Variants in NOX4 observed in about 807,000 individuals in gnomAD.
The protein encoded by NOX4 is kidney oxidase-1.
Under a neutral mutation model 87.6 loss-of-function variants are expected in NOX4, and 69 were observed. The observed-to-expected ratio is 0.79, with a 90% confidence interval of 0.65 to 0.96. The LOEUF is 0.96. Ranked by LOEUF, NOX4 falls within the 40% of genes least tolerant of loss-of-function variation. The pLI is 0.00. For synonymous variants in NOX4, 275 were observed against 238.2 expected (o/e 1.15, Z -1.42); for missense variants, 680 against 681.5 (o/e 1.00, Z 0.02).
intron 7 of NOX4, among the ~76,000 whole-genome samples, chr11:89,425,494 C>G (rs749645964): frequency 6.6e-6 from 1 of 150,494 alleles, no homozygotes; most frequent in East Asian, 1.9e-4. Flanking sequence ...ACCTATATTG[C>G]GATGTGCTGT....
chr11:89,432,870 T>C lies in NOX4; in HGVS notation c.476-14A>G. On this transcript the variant is annotated splice_polypyrimidine_tract_variant and intron_variant, in intron 6 of 17. Coordinates refer to ENST00000263317, the MANE Select transcript of NOX4 (RefSeq NM_016931.5). ...TCAGGCCAGGAACTATAAAAATGTA[T>C]ACAAGTAGGTTTTTACTTAAATCAT... 7.0e-6 allele frequency: 11 copies of C among 1,573,778 alleles called. No individual in the cohort carries two copies. Among genetic ancestry groups the C allele is most frequent in the Non-Finnish European group, 9.6e-6 (11 of 1,145,374 alleles).
intron 12 of NOX4, among the ~76,000 whole-genome samples, chr11:89,368,413 A>G (rs1939179840): frequency 6.6e-6 from 1 of 152,088 alleles, no homozygotes; most frequent in African/African-American, 2.4e-5. Context: ...CACAGTTCTA[A>G]AGGCTGGGAA....
intron 12 of NOX4, among the ~76,000 whole-genome samples, chr11:89,370,633 C>G (rs1265840864): frequency 6.6e-6 from 1 of 152,026 alleles, no homozygotes; most frequent in African/African-American, 2.4e-5. Flanking sequence ...AAAGAGAAAT[C>G]TACTTGGGTA....
At chr11:89,340,252 T>G in intron 14 of NOX4, 81 bp from the exon 15 acceptor site, 1 of 907,036 alleles carries the variant, frequency 1.1e-6, no homozygotes, top group Non-Finnish European at 1.7e-6. Context: ...TAAAGTTTCC[T>G]TTTCATTAGT....
intron 2 of NOX4, among the ~76,000 whole-genome samples, chr11:89,457,407 C>T (rs1299578645): frequency 6.6e-6 from 1 of 152,208 alleles, no homozygotes; most frequent in Non-Finnish European, 1.5e-5. Flanking sequence ...ACTTCAGGCT[C>T]ACTCCCACCA....
chr11:89,413,784 G>A (rs1942615257), intron 8 of NOX4, among the ~76,000 whole-genome samples: 1 of 152,122 alleles, frequency 6.6e-6, no homozygotes, highest in South Asian at 2.1e-4. Context: ...CAATTTGTAT[G>A]TAACACAAAG....
upstream of NOX4, among the ~76,000 whole-genome samples, chr11:89,500,696 A>G (rs639508): frequency 0.67 from 101,366 of 152,040 alleles, 35,344 homozygotes; most frequent in Non-Finnish European, 0.81. Context: ...TTTAAGGACA[A>G]TGAAGGATAA....
At chr11:89,530,550 C>T in the NOX4 span, among the ~76,000 whole-genome samples, 11 of 147,082 alleles carry the variant, frequency 7.5e-5, no homozygotes, top group East Asian at 2.0e-3. Context: ...CATGGGGTTG[C>T]ACTATGTTGG....
At chr11:89,524,260 G>T in the NOX4 span, among the ~76,000 whole-genome samples, 1 of 152,136 alleles carries the variant, frequency 6.6e-6, no homozygotes, top group Admixed American at 6.5e-5. Context: ...TGTCAAGTAG[G>T]TTTAAGTTAG....
the NOX4 span, among the ~76,000 whole-genome samples, chr11:89,512,755 C>T: frequency 2.1e-4 from 32 of 152,172 alleles, no homozygotes; most frequent in Middle Eastern, 6.8e-3. Context: ...CATCACTTGA[C>T]CATTAAATTC....
chr11:89,471,746 G>A (rs1340202165), intron 2 of NOX4, among the ~76,000 whole-genome samples: 1 of 152,086 alleles, frequency 6.6e-6, no homozygotes, highest in Non-Finnish European at 1.5e-5. Context: ...TTGTTTGTTT[G>A]TTTGTTTGGG....
At chr11:89,520,333 G>T in the NOX4 span, among the ~76,000 whole-genome samples, 7 of 152,028 alleles carry the variant, frequency 4.6e-5, no homozygotes, top group South Asian at 1.2e-3. Context: ...ATTCCATAAT[G>T]TTTCTTTGCA....
the NOX4 span, among the ~76,000 whole-genome samples, chr11:89,552,766 T>C: frequency 1.3e-5 from 2 of 152,166 alleles, no homozygotes; most frequent in Non-Finnish European, 2.9e-5. Context: ...ATTTAGTATC[T>C]GATCACACAG....
chr11:89,447,635 G>A (rs1944764154), intron 4 of NOX4, among the ~76,000 whole-genome samples: 2 of 152,148 alleles, frequency 1.3e-5, no homozygotes, highest in South Asian at 4.1e-4. Flanking sequence ...CAAACCCTCT[G>A]GAACACAAGC....
At chr11:89,373,308 A>C (rs584314) in intron 12 of NOX4, 124 bp downstream of exon 12, 41 of 534,506 alleles carry the variant, frequency 7.7e-5, no homozygotes, top group African/African-American at 4.8e-4. Context: ...ACAAAAAAAA[A>C]CCCAGAACAG....
chr11:89,342,359 T>C (rs1946043111), intron 13 of NOX4, among the ~76,000 whole-genome samples, 166 bp from the exon 14 acceptor site: 1 of 152,196 alleles, frequency 6.6e-6, no homozygotes, highest in South Asian at 2.1e-4. Context: ...CAAATGTTGC[T>C]TATGAAGTGT....
At chr11:89,524,115 C>A in the NOX4 span, among the ~76,000 whole-genome samples, 3 of 152,126 alleles carry the variant, frequency 2.0e-5, no homozygotes, top group Admixed American at 2.0e-4. Flanking sequence ...CTTTCTAATG[C>A]ACACTTTAAG....
chr11:89,404,713 C>G (rs1942070139), intron 8 of NOX4, among the ~76,000 whole-genome samples: 2 of 152,086 alleles, frequency 1.3e-5, no homozygotes, highest in Non-Finnish European at 2.9e-5. Context: ...GATTCAAATT[C>G]TATGCTCTTC....
At chr11:89,337,664 C>T in intron 15 of NOX4, 149 bp from the exon 16 acceptor site, 2 of 1,093,556 alleles carry the variant, frequency 1.8e-6, no homozygotes, top group Non-Finnish European at 2.6e-6. Context: ...CACACACATA[C>T]ATACACAGAA....
Sources: gnomAD v4.1 joint callset for allele counts (sites outside exome capture counted in the v4.1 genomes callset) on GRCh38, gnomAD v4.1.1 for gene constraint, MANE v1.5 for transcripts, NCBI Gene and HGNC (gene_info 2026-07-23, HGNC 2026-07-21) for gene names.